The following OSBPL10 variants were observed in gnomAD, a reference collection of about 807,000 sequenced individuals.
OSBPL10 encodes oxysterol binding protein like 10, also known as oxysterol-binding protein-related protein 10.
In OSBPL10, 49 loss-of-function variants were observed where a neutral mutation model predicts 81.7. The ratio of observed to expected loss-of-function variants is 0.60; its 90% confidence interval spans 0.48 to 0.76. OSBPL10 has a LOEUF of 0.76. Among genes scored for constraint, OSBPL10 ranks in the 30% least tolerant of loss-of-function variants. The probability of loss-of-function intolerance (pLI) is 0.00; values close to 1 mark genes in which losing one functional copy is unlikely to be tolerated. For missense variants in OSBPL10, 923 were observed against 987.8 expected, an observed-to-expected ratio of 0.93 and a Z score of 0.88; for synonymous variants, 419 against 383.6, an observed-to-expected ratio of 1.09 and a Z score of -1.08.
At chr3:31,997,637 G>C (rs571870999) in intron 2 of OSBPL10, among the ~76,000 whole-genome samples, 5 of 151,150 alleles carry the variant, frequency 3.3e-5, no homozygotes, top group Non-Finnish European at 7.4e-5. Flanking sequence ...TTTTTGTTTT[G>C]TTTTTACTTT....
intron 1 of OSBPL10, among the ~76,000 whole-genome samples, chr3:31,914,628 C>G (rs1450708789): frequency 6.6e-6 from 1 of 152,148 alleles, no homozygotes; most frequent in Non-Finnish European, 1.5e-5. Context: ...ATTTTAGTAT[C>G]AAATTTTCCT....
rs537615799 is a variant in OSBPL10 at position 31,786,369 on chromosome 3, C to T, written c.730-38249G>A. On this transcript the variant is annotated intron_variant, in intron 4 of 11. Transcript: ENST00000396556. The stretch of plus-strand genomic sequence containing the variant: ...TCACGTTTTAAAAAGCCTTCTCCAT[C>T]CTGAGACATCTCAGTCCACTTGGGC... Among the ~76,000 whole-genome samples the T allele has an allele frequency of 2.6e-5, 4 of 152,278 alleles. No individual in the cohort carries two copies. In the East Asian group the frequency reaches 7.7e-4, roughly 29 times the overall value.
chr3:31,681,648 C>T (rs1330658309), intron 8 of OSBPL10, among the ~76,000 whole-genome samples: 1 of 152,208 alleles, frequency 6.6e-6, no homozygotes, highest in African/African-American at 2.4e-5. Flanking sequence ...CCCTTCTTCA[C>T]TTGCCTCGCA....
At chr3:31,723,514 T>C (rs1405941908) in intron 6 of OSBPL10, among the ~76,000 whole-genome samples, 1 of 150,914 alleles carries the variant, frequency 6.6e-6, no homozygotes, top group African/African-American at 2.5e-5. Context: ...GACAATTCTA[T>C]GGCTTACTCA....
At chr3:31,669,885 C>A (rs928322407) in intron 9 of OSBPL10, among the ~76,000 whole-genome samples, 12 of 152,300 alleles carry the variant, frequency 7.9e-5, no homozygotes, top group African/African-American at 2.9e-4. Context: ...TCTTAGGTAG[C>A]AATGCAGAGG....
intron 1 of OSBPL10, among the ~76,000 whole-genome samples, chr3:31,904,807 G>C (rs1696354867): frequency 6.6e-6 from 1 of 152,188 alleles, no homozygotes; most frequent in Non-Finnish European, 1.5e-5. Context: ...CAAAATCTGT[G>C]TCTACAGAGA....
At chr3:31,952,973 C>T (rs540880836) in intron 1 of OSBPL10, among the ~76,000 whole-genome samples, 1 of 145,818 alleles carries the variant, frequency 6.9e-6, no homozygotes, top group Non-Finnish European at 1.5e-5. Context: ...CATTCTGTAG[C>T]CCAGGCTGGA....
At chr3:31,997,290 C>A (rs971709358) in intron 2 of OSBPL10, among the ~76,000 whole-genome samples, 1 of 151,212 alleles carries the variant, frequency 6.6e-6, no homozygotes, top group Admixed American at 6.6e-5. Context: ...GATGGAGTCT[C>A]GCCCTCACTC....
intron 4 of OSBPL10, among the ~76,000 whole-genome samples, chr3:31,824,811 G>A (rs148308296): frequency 6.3e-4 from 96 of 152,116 alleles, no homozygotes; most frequent in African/African-American, 2.0e-3. Context: ...TTGCAGTTGC[G>A]GGTATATCAT....
intron 4 of OSBPL10, among the ~76,000 whole-genome samples, chr3:31,760,373 G>T (rs957351020): frequency 2.0e-5 from 3 of 152,050 alleles, no homozygotes; most frequent in African/African-American, 7.2e-5. Context: ...ATGGGGGATT[G>T]GTTCCAGGAC....
rs1334426857 is a variant in OSBPL10, at chr3:31,904,698, C to A, written c.282-24868G>T. ...CTCTCTGGGAACACATAATCCCAAA[C>A]AGAGGATAGAGCGGGCTGAAATTGC... On this transcript the variant is annotated intron_variant, in intron 1 of 11. Coordinates refer to ENST00000396556, the MANE Select transcript of OSBPL10 (RefSeq NM_017784.5). Among the ~76,000 whole-genome samples, 3 of 152,128 alleles carry A rather than the reference C, an allele frequency of 2.0e-5. No individual in the cohort carries two copies. In the East Asian group the frequency reaches 5.8e-4, roughly 29 times the overall value.
At position 31,907,619 on chromosome 3, in the gene OSBPL10, C is replaced by CAAAAAAAAAA. The variant is rs142840420; in HGVS notation, c.282-27799_282-27790dup. Among the ~76,000 whole-genome samples, 45 of 63,870 alleles carry CAAAAAAAAAA rather than the reference C, an allele frequency of 7.0e-4. 4 individuals carry two copies. Among genetic ancestry groups the CAAAAAAAAAA allele is most frequent in the South Asian group, 2.8e-3 (4 of 1,404 alleles). The allele number at this position is 63,870 out of a possible 152,430, so 41.9% of individuals were successfully genotyped here. The stretch of plus-strand genomic sequence containing the variant: ...TCCAGCCTGGGTGAGACCTCCATCT[C>CAAAAAAAAAA]AAAAAAAAAAAAAAAAAAAAAAAAA... On this transcript the variant is annotated intron_variant, in intron 1 of 11. Coordinates refer to ENST00000396556, the MANE Select transcript of OSBPL10 (RefSeq NM_017784.5).
rs111692910 is a variant in OSBPL10, at chr3:32,038,892, C to T, written n.298+7599G>A. Among the ~76,000 whole-genome samples the T allele has an allele frequency of 2.3e-3, 345 of 152,038 alleles. 1 individual carries two copies. In the Middle Eastern group the frequency reaches 0.034, roughly 15 times the overall value. On this transcript the variant is annotated intron_variant and non_coding_transcript_variant, in intron 2 of 3. Coordinates refer to the OSBPL10 transcript ENST00000479173. ...TCCTAGGCAAGAAAAGTAAAATAAA[C>T]GGACAAAATACCTTATCTAGAAGTT...
At chr3:31,779,124 T>C (rs1698621566) in intron 4 of OSBPL10, among the ~76,000 whole-genome samples, 1 of 152,070 alleles carries the variant, frequency 6.6e-6, no homozygotes, top group African/African-American at 2.4e-5. Flanking sequence ...CCTTAAAGCA[T>C]AAATCTCACA....
At chr3:31,723,911 G>T (rs1037089372) in intron 6 of OSBPL10, among the ~76,000 whole-genome samples, 5 of 152,078 alleles carry the variant, frequency 3.3e-5, no homozygotes, top group Non-Finnish European at 7.4e-5. Flanking sequence ...AAAAATATAA[G>T]CCAGGCAGAT....
intron 2 of OSBPL10, among the ~76,000 whole-genome samples, chr3:32,041,831 G>A (rs1382587943): frequency 6.6e-6 from 1 of 151,988 alleles, no homozygotes; most frequent in African/African-American, 2.4e-5. Context: ...CTAATTTTTT[G>A]TATTTTTAGT....
At chr3:31,855,523 A>G (rs1700886996) in intron 3 of OSBPL10, among the ~76,000 whole-genome samples, 1 of 152,082 alleles carries the variant, frequency 6.6e-6, no homozygotes, top group Non-Finnish European at 1.5e-5. Flanking sequence ...CACAGTACAT[A>G]TTTGTCTGTT....
In OSBPL10 at chr3:32,032,932, C is replaced by CT; in HGVS notation, n.298+13558dup. ...AGGACCATTGAAAGAAAATTCACAT[C>CT]TTTACTCAAGACCCATTCGCTATCA... is the stretch of plus-strand genomic sequence containing the variant. On this transcript the variant is annotated intron_variant and non_coding_transcript_variant, in intron 2 of 3. Transcript: ENST00000479173. Among the ~76,000 whole-genome samples, 3 of 152,294 alleles carry CT rather than the reference C, an allele frequency of 2.0e-5. No individual in the cohort carries two copies. In the South Asian group the frequency reaches 6.2e-4, roughly 32 times the overall value.
chr3:31,946,979 A>C (rs1218115913), intron 1 of OSBPL10, among the ~76,000 whole-genome samples: 1 of 152,194 alleles, frequency 6.6e-6, no homozygotes, highest in Non-Finnish European at 1.5e-5. Flanking sequence ...GCTACGGCTC[A>C]GTGGCTGTTA....
Sources: gnomAD v4.1 joint callset for allele counts (sites outside exome capture counted in the v4.1 genomes callset) on GRCh38, gnomAD v4.1.1 for gene constraint, MANE v1.5 for transcripts, NCBI Gene and HGNC (gene_info 2026-07-23, HGNC 2026-07-21) for gene names.